Variants in LRRC56 observed in about 807,000 individuals in gnomAD.
The protein encoded by LRRC56 is leucine rich repeat containing 56, also known as leucine-rich repeat-containing protein 56.
In LRRC56, 41 loss-of-function variants were observed where a neutral mutation model predicts 47.8. That is an observed-to-expected ratio of 0.86 (90% CI 0.67 to 1.11). LRRC56 has a LOEUF of 1.11. Ranked by LOEUF, LRRC56 falls within the 50% of genes most tolerant of loss-of-function variation. The pLI is 0.00. For synonymous variants in LRRC56, 387 were observed against 311.2 expected (o/e 1.24, Z -2.56); for missense variants, 759 against 704.2 (o/e 1.08, Z -0.88).
At chr11:529,967 T>C in the LRRC56 span, among the ~76,000 whole-genome samples, 38,589 of 152,106 alleles carry the variant, frequency 0.25, 5,318 homozygotes, top group African/African-American at 0.36. Context: ...CCCAGGGCAG[T>C]GGGCTGCTCT....
the LRRC56 span, among the ~76,000 whole-genome samples, chr11:512,665 A>G: frequency 6.6e-6 from 1 of 152,178 alleles, no homozygotes; most frequent in Non-Finnish European, 1.5e-5. Context: ...AACTTTGCCT[A>G]TTTTGAACTT....
upstream of LRRC56, among the ~76,000 whole-genome samples, chr11:535,783 C>A (rs8176331): frequency 0.24 from 36,401 of 151,792 alleles, 4,764 homozygotes; most frequent in African/African-American, 0.34. Flanking sequence ...CGGAGCCGAG[C>A]TCGGGGTTGC....
intron 6 of LRRC56, among the ~76,000 whole-genome samples, chr11:546,230 A>G (rs1178139332): frequency 1.3e-5 from 2 of 151,998 alleles, no homozygotes; most frequent in African/African-American, 4.8e-5. Flanking sequence ...CTGAGATCAC[A>G]CCACTACACT....
At chr11:510,839 G>A in the LRRC56 span, among the ~76,000 whole-genome samples, 4 of 151,980 alleles carry the variant, frequency 2.6e-5, no homozygotes, top group African/African-American at 9.7e-5. Flanking sequence ...AACCCAGAAG[G>A]TGGAGGTTGC....
At chr11:540,602 C>T in intron 3 of LRRC56, 72 bp from the exon 4 acceptor site, 1 of 1,362,360 alleles carries the variant, frequency 7.3e-7, no homozygotes, top group Admixed American at 2.1e-5. Context: ...GAGGGCTGGG[C>T]CAGGGTCTCA....
the LRRC56 span, among the ~76,000 whole-genome samples, chr11:520,385 A>C: frequency 4.0e-5 from 6 of 151,838 alleles, no homozygotes; most frequent in Non-Finnish European, 7.4e-5. Context: ...CAATGGTGCG[A>C]TCTCGGCTCT....
At chr11:534,313 A>G (rs1554885164), upstream of LRRC56, 1 of 1,612,574 alleles carries the variant, frequency 6.2e-7, no homozygotes, top group East Asian at 2.2e-5. Context: ...ACCAGCTTAT[A>G]TTCCGTCATC....
At chr11:544,958 G>GACCCCAC in intron 6 of LRRC56, among the ~76,000 whole-genome samples, 178 bp downstream of exon 6, 1 of 152,190 alleles carries the variant, frequency 6.6e-6, no homozygotes, top group South Asian at 2.1e-4. Flanking sequence ...CCCTGTGGAG[G>GACCCCAC]GTGGATGGGC....
chr11:551,739 C>T lies in LRRC56; in HGVS notation c.885C>T (p.Phe295=), dbSNP rs150774242. ...TQSRASRPWP[F]SLLVRGGPLP... ...CCCGGGCCTCCAGGCCCTGGCCCTT[C>T]TCCCTGCTGGTCCGTGGGGGCCCCC... Residue 295 remains phenylalanine, a synonymous_variant, in exon 10 of 14, where the codon TTC becomes TTT. Transcript: ENST00000270115. 10 of 1,611,566 alleles carry T rather than the reference C, an allele frequency of 6.2e-6. No individual in the cohort carries two copies. The highest frequency in any genetic ancestry group is 8.5e-6 in the Non-Finnish European group (10 of 1,179,352).
intron 5 of LRRC56, among the ~76,000 whole-genome samples, chr11:542,586 A>AG (rs1379516165): frequency 6.8e-6 from 1 of 147,552 alleles, no homozygotes; most frequent in African/African-American, 2.5e-5. Context: ...GTCGCAAAAA[A>AG]AAAAAAAAAA....
At chr11:546,138 C>T (rs1852065246) in intron 6 of LRRC56, among the ~76,000 whole-genome samples, 1 of 152,048 alleles carries the variant, frequency 6.6e-6, no homozygotes, top group Non-Finnish European at 1.5e-5. Flanking sequence ...TGCATGGTGG[C>T]ACATGCCTGT....
the LRRC56 span, among the ~76,000 whole-genome samples, chr11:527,698 A>AT: frequency 0.034 from 3,795 of 111,518 alleles, 238 homozygotes; most frequent in African/African-American, 0.12. Flanking sequence ...CGCCCGGCTA[A>AT]TTTTTTTTTT....
chr11:519,237 A>C, the LRRC56 span, among the ~76,000 whole-genome samples: 2 of 151,538 alleles, frequency 1.3e-5, no homozygotes, highest in Non-Finnish European at 3.0e-5. Context: ...TCCTAAAGGA[A>C]CGTGGCCTGA....
rs551640190 is a variant in LRRC56 at position 554,517 on chromosome 11, G to A, written c.*241G>A. 5.1e-3 allele frequency: 2,147 copies of A among 420,968 alleles called. 9 individuals are homozygous for A. Among genetic ancestry groups the A allele is most frequent in the Non-Finnish European group, 6.7e-3 (1,622 of 240,676 alleles). 26.1% of individuals were successfully genotyped at this position (420,968 alleles called of 1,614,324 possible). A position where few individuals can be genotyped will look rare whatever the true frequency, so the allele number is the denominator to read the frequency against. On this transcript the variant is annotated 3_prime_UTR_variant, in exon 14 of 14. Transcript: ENST00000270115. ...TGGGGAGGGAGGGTCCGGCTCCCCA[G>A]CCCTTCCTTAGGGCCAGGCTTTCCC...
upstream of LRRC56, chr11:534,393 G>A (rs1316421435): frequency 7.8e-7 from 1 of 1,287,464 alleles, no homozygotes; most frequent in Non-Finnish European, 1.1e-6. Flanking sequence ...GGAGGGCCCT[G>A]CTCAGCCAGG....
At chr11:548,994 G>C (rs371814543) in intron 6 of LRRC56, among the ~76,000 whole-genome samples, 1 of 152,120 alleles carries the variant, frequency 6.6e-6, no homozygotes, top group South Asian at 2.1e-4. Context: ...AATTCAGAGC[G>C]GAGTGGAAAA....
At chr11:534,202 C>T (rs1401412098), upstream of LRRC56, 16 of 1,602,394 alleles carry the variant, frequency 1.0e-5, no homozygotes, top group Non-Finnish European at 1.4e-5. Context: ...GACGGCGGCG[C>T]CAGGCTCACC....
chr11:547,507 C>T (rs754814369), intron 6 of LRRC56, among the ~76,000 whole-genome samples: 1 of 151,754 alleles, frequency 6.6e-6, no homozygotes, highest in Non-Finnish European at 1.5e-5. Flanking sequence ...CGCCTGCCAC[C>T]ACGCCCGGCT....
Position 551,721 on chromosome 11 carries a change from C to T in LRRC56, c.867C>T (p.Ala289=). Residue 289 remains alanine, a synonymous_variant, in exon 10 of 14, where the codon GCC becomes GCT. Transcript: ENST00000270115. ...ELSLPETQSR[A]SRPWPFSLLV... is the part of the protein sequence containing the mutation. ...CCCTGCCTGAGACGCAGTCCCGGGC[C>T]TCCAGGCCCTGGCCCTTCTCCCTGC... is the stretch of plus-strand genomic sequence containing the variant. 1 of 1,611,488 alleles carries T rather than the reference C, an allele frequency of 6.2e-7. No homozygotes were observed. Among genetic ancestry groups the T allele is most frequent in the Non-Finnish European group, 8.5e-7 (1 of 1,179,200 alleles).
Sources: gnomAD v4.1 joint callset for allele counts (sites outside exome capture counted in the v4.1 genomes callset) on GRCh38, gnomAD v4.1.1 for gene constraint, MANE v1.5 for transcripts, NCBI Gene and HGNC (gene_info 2026-07-23, HGNC 2026-07-21) for gene names.